USH2A: variants seen among roughly 807,000 people sequenced by gnomAD.
USH2A encodes the protein usherin.
Under a neutral mutation model 538.9 loss-of-function variants are expected in USH2A, and 443 were observed. That is an observed-to-expected ratio of 0.82 (90% CI 0.76 to 0.89). USH2A has a LOEUF of 0.89. Ranked by LOEUF, USH2A falls within the 40% of genes least tolerant of loss-of-function variation. The pLI is 0.00. For synonymous variants in USH2A, 2,413 were observed against 2,273.5 expected (o/e 1.06, Z -1.75); for missense variants, 6,633 against 6,324.8 (o/e 1.05, Z -1.65).
chr1:215,848,269 A>T (rs974127218), intron 44 of USH2A, among the ~76,000 whole-genome samples: 8 of 152,122 alleles, frequency 5.3e-5, no homozygotes, highest in Non-Finnish European at 8.8e-5. Flanking sequence ...CTAGATTTGT[A>T]GTTTATGTTG....
intron 32 of USH2A, among the ~76,000 whole-genome samples, chr1:216,011,667 T>C (rs1053876611): frequency 6.6e-6 from 1 of 152,032 alleles, no homozygotes; most frequent in African/African-American, 2.4e-5. Flanking sequence ...GCCCTAATAC[T>C]TTAGAGGCCC....
intron 21 of USH2A, among the ~76,000 whole-genome samples, chr1:216,171,097 T>C (rs995142724): frequency 3.9e-5 from 6 of 152,122 alleles, no homozygotes; most frequent in Non-Finnish European, 5.9e-5. Flanking sequence ...CTAAATTTCT[T>C]AAATTATTAG....
intron 11 of USH2A, among the ~76,000 whole-genome samples, chr1:216,257,673 A>G (rs1414805245): frequency 6.6e-6 from 1 of 151,952 alleles, no homozygotes; most frequent in Non-Finnish European, 1.5e-5. Flanking sequence ...AGGGACTCCA[A>G]TTACACATAT....
intron 61 of USH2A, among the ~76,000 whole-genome samples, chr1:215,721,278 T>A (rs1659652711): frequency 2.6e-5 from 4 of 152,212 alleles, no homozygotes. Flanking sequence ...TTTCACCACG[T>A]TGGCCAGGCT....
intron 9 of USH2A, among the ~76,000 whole-genome samples, chr1:216,319,453 T>C (rs1245440769): frequency 6.6e-6 from 1 of 152,120 alleles, no homozygotes; most frequent in Non-Finnish European, 1.5e-5. Flanking sequence ...CCTCATAATA[T>C]ACTAATGAAA....
intron 40 of USH2A, among the ~76,000 whole-genome samples, chr1:215,891,706 T>C (rs1277391657): frequency 2.0e-5 from 3 of 152,166 alleles, no homozygotes; most frequent in Non-Finnish European, 4.4e-5. Flanking sequence ...TCAGCTGAAT[T>C]CTTAAAATCT....
chr1:215,725,794 C>T (rs1394069952), intron 61 of USH2A, among the ~76,000 whole-genome samples: 1 of 152,138 alleles, frequency 6.6e-6, no homozygotes, highest in East Asian at 1.9e-4. Context: ...TGCAAAGAGC[C>T]CTGTGCCGCT....
At chr1:216,322,267 C>T (rs1237721661) in intron 8 of USH2A, among the ~76,000 whole-genome samples, 1 of 151,926 alleles carries the variant, frequency 6.6e-6, no homozygotes, top group Non-Finnish European at 1.5e-5. Flanking sequence ...AACCACGTAC[C>T]AAGGGAAGGC....
chr1:216,206,057 G>A (rs1037650323), intron 16 of USH2A, among the ~76,000 whole-genome samples: 3 of 152,102 alleles, frequency 2.0e-5, no homozygotes, highest in South Asian at 4.1e-4. Context: ...AAACAGCAAT[G>A]TGTGTATTAA....
chr1:216,055,434 T>TCC (rs1034171684), intron 30 of USH2A, among the ~76,000 whole-genome samples: 4 of 152,284 alleles, frequency 2.6e-5, no homozygotes, highest in African/African-American at 7.2e-5. Flanking sequence ...TGGCTGAGGA[T>TCC]CCCGCTGCAG....
chr1:215,969,613 A>G (rs1006793917), intron 36 of USH2A, among the ~76,000 whole-genome samples: 2 of 151,722 alleles, frequency 1.3e-5, no homozygotes, highest in South Asian at 4.1e-4. Context: ...AAGGGTAAGT[A>G]TCCATCAGAG....
intron 17 of USH2A, among the ~76,000 whole-genome samples, chr1:216,199,215 GC>G (rs1196710669): frequency 6.6e-6 from 1 of 152,148 alleles, no homozygotes; most frequent in Non-Finnish European, 1.5e-5. Flanking sequence ...GAGTCAGTTA[GC>G]TTATATACAT....
chr1:216,047,024 C>T (rs2030548834), intron 31 of USH2A, among the ~76,000 whole-genome samples: 1 of 152,128 alleles, frequency 6.6e-6, no homozygotes, highest in Admixed American at 6.5e-5. Context: ...CCAGAGCTCG[C>T]ATAACCAAAT....
chr1:215,671,580 C>A (rs1476941680), intron 63 of USH2A, among the ~76,000 whole-genome samples: 1 of 152,144 alleles, frequency 6.6e-6, no homozygotes, highest in Non-Finnish European at 1.5e-5. Context: ...ATCCCCCTGG[C>A]TTTCTAAACT....
chr1:216,351,415 A>G (rs768049747), intron 4 of USH2A, among the ~76,000 whole-genome samples: 1 of 152,180 alleles, frequency 6.6e-6, no homozygotes, highest in Non-Finnish European at 1.5e-5. Context: ...GGTTGAAAGA[A>G]CAGCGAATGG....
chr1:216,152,676 C>G (rs371183849), intron 21 of USH2A, among the ~76,000 whole-genome samples: 2 of 152,140 alleles, frequency 1.3e-5, no homozygotes, highest in Admixed American at 6.5e-5. Flanking sequence ...TCTCTTCACA[C>G]GGACACGCAT....
chr1:216,017,161 C>G (rs1668733251), intron 32 of USH2A, among the ~76,000 whole-genome samples: 1 of 151,988 alleles, frequency 6.6e-6, no homozygotes, highest in Admixed American at 6.5e-5. Context: ...TCCATCCCTT[C>G]CTCCCTCTTT....
At chr1:216,250,356 T>A (rs1411637649) in intron 12 of USH2A, among the ~76,000 whole-genome samples, 1 of 152,158 alleles carries the variant, frequency 6.6e-6, no homozygotes, top group Non-Finnish European at 1.5e-5. Flanking sequence ...TATGTAGCCC[T>A]TTGTAAGTAA....
rs937606032 is a variant in USH2A, at chr1:215,900,152, T to C, written c.7517A>G (p.Tyr2506Cys). The C allele has an allele frequency of 5.0e-6, 8 of 1,613,588 alleles. No individual in the cohort carries two copies. Among genetic ancestry groups the C allele is most frequent in the African/African-American group, 2.7e-5 (2 of 74,896 alleles). ...ATTGGAGGCAACCAACCGAAACATATACTCTGTGTACGGTTGGAGATCACT... is the reference window on the plus strand; with the variant it reads ...ATTGGAGGCAACCAACCGAAACATACACTCTGTGTACGGTTGGAGATCACT... ...EVSDLQPYTE[Y>C]MFRLVASNGF... is the part of the protein sequence containing the mutation. The change falls in exon 40 of 72, where the codon TAT (tyrosine) becomes TGT (cysteine). Residue 2506 changes from tyrosine to cysteine, a missense_variant. Physicochemically the swap from Tyr to Cys is radical, Grantham distance 194. Transcript: ENST00000307340.
Sources: gnomAD v4.1 joint callset for allele counts (sites outside exome capture counted in the v4.1 genomes callset) on GRCh38, gnomAD v4.1.1 for gene constraint, MANE v1.5 for transcripts, NCBI Gene and HGNC (gene_info 2026-07-23, HGNC 2026-07-21) for gene names.